NCKAP5L: variants seen among roughly 807,000 people sequenced by gnomAD.
NCKAP5L encodes the protein NCK associated protein 5 like.
Under a neutral mutation model 103.2 loss-of-function variants are expected in NCKAP5L, and 54 were observed. The ratio of observed to expected loss-of-function variants is 0.52; its 90% CI spans 0.42 to 0.66. The LOEUF (loss-of-function observed/expected upper bound fraction) is 0.66. Ranked by LOEUF, NCKAP5L falls within the 30% of genes least tolerant of loss-of-function variation. The pLI is 0.00. For missense variants in NCKAP5L, 1,733 were observed against 1,750.6 expected (o/e 0.99, Z 0.18); for synonymous variants, 762 against 748.6 (o/e 1.02, Z -0.29).
rs371750480 is a variant in NCKAP5L, at chr12:49,795,152, C to T, written c.2708G>A (p.Arg903Gln). 7.5e-6 allele frequency: 12 copies of T among 1,607,396 alleles called. No homozygotes were observed. Among genetic ancestry groups the T allele is most frequent in the East Asian group, 2.2e-5 (1 of 44,818 alleles). The change falls in exon 8 of 13, where the codon CGA becomes CAA. Residue 903 changes from arginine to glutamine, a missense_variant. Transcript: ENST00000335999. The part of the protein sequence containing the change: ...ENVLRLQGQE[R>Q]APGAEVKHRN... The stretch of plus-strand genomic sequence containing the variant: ...GTGCTTGACCTCGGCGCCAGGGGCT[C>T]GCTCCTGGCCCTGGAGCCGCAGCAC...
At chr12:49,816,725 A>C (rs539838931) in intron 1 of NCKAP5L, among the ~76,000 whole-genome samples, 1 of 151,292 alleles carries the variant, frequency 6.6e-6, no homozygotes, top group African/African-American at 2.4e-5. Flanking sequence ...TGAACCTGAG[A>C]GGCTGAGGTT....
chr12:49,813,913 A>G (rs1265894152), intron 1 of NCKAP5L, among the ~76,000 whole-genome samples: 1 of 151,652 alleles, frequency 6.6e-6, no homozygotes, highest in Non-Finnish European at 1.5e-5. Flanking sequence ...GTAACTTCAG[A>G]CTCCTAGGCT....
At chr12:49,818,191 G>C (rs972956860) in intron 1 of NCKAP5L, among the ~76,000 whole-genome samples, 1 of 151,578 alleles carries the variant, frequency 6.6e-6, no homozygotes, top group Non-Finnish European at 1.5e-5. Context: ...ACTACTAGGA[G>C]AAAATAAAAT....
intron 1 of NCKAP5L, among the ~76,000 whole-genome samples, chr12:49,814,820 G>C (rs116074719): frequency 0.019 from 2,947 of 152,238 alleles, 108 homozygotes; most frequent in African/African-American, 0.066. Context: ...GATTCCACAG[G>C]GTACTTGGTC....
rs1946072709 is a variant in NCKAP5L at position 49,797,593 on chromosome 12, A to C, written c.466-199T>G. ...AGGGTTGCTCAACACTGGTTACCCC[A>C]GTTCTTCTTCCTGGCACACTTGGGG... On this transcript the variant is annotated intron_variant, in intron 7 of 12. Transcript: ENST00000335999. This position sits in a 1 kb window ranked among gnomAD's most constrained non-coding sequence, Gnocchi z 4.5. 6.6e-6 allele frequency among the ~76,000 whole-genome samples: 1 copy of C among 152,148 alleles called. No individual in the cohort carries two copies. Among genetic ancestry groups the C allele is most frequent in the Non-Finnish European group, 1.5e-5 (1 of 68,012 alleles).
intron 5 of NCKAP5L, 101 bp downstream of exon 5, chr12:49,802,847 GACGGGGAATC>G (rs1302143624): frequency 3.8e-6 from 5 of 1,311,388 alleles, no homozygotes; most frequent in Middle Eastern, 2.7e-4. Context: ...AAGGCGGAAA[GACGGGGAATC>G]ACTGGAGGGC....
Position 49,796,353 on chromosome 12 carries a change from G to A in NCKAP5L, c.1507C>T (p.Arg503Ter). 2 of 1,566,808 alleles carry A rather than the reference G, an allele frequency of 1.3e-6. No homozygotes were observed. The highest frequency in any genetic ancestry group is 1.7e-6 in the Non-Finnish European group (2 of 1,157,474). The change falls in exon 8 of 13, where the codon CGA becomes TGA. Residue 503 changes from arginine (R) to a stop codon, truncating the protein, a stop_gained. Transcript: ENST00000335999. LOFTEE classifies it high-confidence loss of function. The stretch of plus-strand genomic sequence containing the variant: ...AGCTCTCCTCCACCCAGACCCCTTC[G>A]GGCCAACAGTGGGGAGGGGCTGCCG... Reference protein sequence around the residue: ...SDGSPSPLLARRGLGGGELSP... With the variant: ...SDGSPSPLLA
intron 1 of NCKAP5L, among the ~76,000 whole-genome samples, chr12:49,812,389 T>C (rs1296614995): frequency 1.4e-5 from 2 of 145,408 alleles, no homozygotes; most frequent in Non-Finnish European, 3.0e-5. Flanking sequence ...GTTTTCATCT[T>C]TTTTTTTTTT....
At chr12:49,827,097 G>A (rs779253697) in intron 1 of NCKAP5L, among the ~76,000 whole-genome samples, 1 of 152,222 alleles carries the variant, frequency 6.6e-6, no homozygotes, top group Non-Finnish European at 1.5e-5. Flanking sequence ...AGAGCCAGAT[G>A]GCGTAATGTC....
rs760405112 is a variant in NCKAP5L at position 49,796,194 on chromosome 12, A to G, written c.1666T>C (p.Tyr556His). Residue 556 changes from tyrosine to histidine, a missense_variant, in exon 8 of 13, where the codon TAT becomes CAT. By Grantham distance (83) the Tyr-to-His change is moderately conservative (BLOSUM62 2). Coordinates refer to ENST00000335999, the MANE Select transcript of NCKAP5L (RefSeq NM_001037806.4). ...CGAGAAAGGTCCAGAATGTTCTCAT[A>G]GCAGGGAGACACCACTGGGCCTGGG... ...LSPGPVVSPC[Y>H]ENILDLSRST... is the part of the protein sequence containing the mutation. The G allele has an allele frequency of 6.2e-7, 1 of 1,603,290 alleles. No individual in the cohort carries two copies. The highest frequency in any genetic ancestry group is 1.1e-5 in the South Asian group (1 of 89,468).
chr12:49,801,901 G>C lies in NCKAP5L; in HGVS notation c.298C>G (p.Leu100Val). Residue 100 changes from leucine (L) to valine (V), a missense_variant, in exon 6 of 13, where the codon CTG (leucine) becomes GTG (valine). By Grantham distance (32) the Leu-to-Val change is conservative. Transcript: ENST00000335999. Reference sequence around the variant, plus strand: ...AGTTTCTGCTGAAACAGGGCACTCAGCATCTGGTTCTGCCGTTCCAGGTCA... The same window carrying C: ...AGTTTCTGCTGAAACAGGGCACTCACCATCTGGTTCTGCCGTTCCAGGTCA... Reference protein sequence around the residue: ...VFDLERQNQMLSALFQQKLQL... With the variant: ...VFDLERQNQMVSALFQQKLQL... The C allele has an allele frequency of 3.7e-6, 6 of 1,613,960 alleles. No homozygotes were observed. Among genetic ancestry groups the C allele is most frequent in the Non-Finnish European group, 5.1e-6 (6 of 1,179,860 alleles).
chr12:49,819,852 T>TAA (rs941100427), intron 1 of NCKAP5L, among the ~76,000 whole-genome samples: 1 of 152,030 alleles, frequency 6.6e-6, no homozygotes, highest in African/African-American at 2.4e-5. Flanking sequence ...GAACAGAAGG[T>TAA]AAAGACAGGT....
At chr12:49,809,273 A>C (rs1197808977) in intron 1 of NCKAP5L, among the ~76,000 whole-genome samples, 1 of 151,988 alleles carries the variant, frequency 6.6e-6, no homozygotes, top group Non-Finnish European at 1.5e-5. Context: ...TGTGGCTCCT[A>C]CCTCCTCTCC....
intron 1 of NCKAP5L, among the ~76,000 whole-genome samples, chr12:49,822,476 A>AAGGAAACTCAAGGGATATAC: frequency 6.6e-6 from 1 of 152,302 alleles, no homozygotes; most frequent in Non-Finnish European, 1.5e-5. Context: ...GGTATTGTGT[A>AAGGAAACTCAAGGGATATAC]AGGAAACTCA....
chr12:49,801,532 CTG>C (rs1946117743), intron 6 of NCKAP5L, among the ~76,000 whole-genome samples: 1 of 152,212 alleles, frequency 6.6e-6, no homozygotes, highest in Non-Finnish European at 1.5e-5. Context: ...CAAGAAGAGG[CTG>C]TGTCAGTGGC....
At chr12:49,820,618 C>T (rs544913620) in intron 1 of NCKAP5L, among the ~76,000 whole-genome samples, 29 of 152,184 alleles carry the variant, frequency 1.9e-4, no homozygotes, top group Non-Finnish European at 4.3e-4. Context: ...CCCAGGCCCC[C>T]ATCTCCTGGC....
At chr12:49,817,471 C>T (rs1264440178) in intron 1 of NCKAP5L, among the ~76,000 whole-genome samples, 1 of 152,062 alleles carries the variant, frequency 6.6e-6, no homozygotes, top group Non-Finnish European at 1.5e-5. Context: ...CCTATCACAC[C>T]ACATCCTAGA....
At chr12:49,816,263 C>A (rs968511761) in intron 1 of NCKAP5L, among the ~76,000 whole-genome samples, 6 of 152,070 alleles carry the variant, frequency 3.9e-5, no homozygotes, top group Admixed American at 2.6e-4. Flanking sequence ...CCAGACCAGG[C>A]CCTGAGCCAC....
In NCKAP5L at chr12:49,792,877, C is replaced by T. The variant is rs746037420; in HGVS notation, c.3450G>A (p.Pro1150=). The stretch of plus-strand genomic sequence containing the variant: ...GTACCCCAGGTGGGGGATCCAGCCG[C>T]GGTGGCTTGGTCTTAGGAAGATTCT... The part of the protein sequence containing the change: ...PSKNLPKTKP[P]RLDPPPGVPP... The change falls in exon 11 of 13, where the codon CCG becomes CCA. Residue 1150 remains proline (P), a synonymous_variant. Transcript: ENST00000335999. The surrounding 1 kb of genome is among the most constrained non-coding windows in gnomAD (Gnocchi z 4.5). 54 of 1,544,462 alleles carry T rather than the reference C, an allele frequency of 3.5e-5. No individual in the cohort carries two copies. Among genetic ancestry groups the T allele is most frequent in the Non-Finnish European group, 4.3e-5 (50 of 1,151,878 alleles).
Sources: gnomAD v4.1 joint callset for allele counts (sites outside exome capture counted in the v4.1 genomes callset) on GRCh38, gnomAD v4.1.1 for gene constraint, Gnocchi (gnomAD v3.1) non-coding constraint, MANE v1.5 for transcripts, NCBI Gene and HGNC (gene_info 2026-07-23, HGNC 2026-07-21) for gene names.